The following BAIAP2L1 variants were observed in gnomAD, a reference collection of about 807,000 sequenced individuals.
BAIAP2L1 encodes the protein BAR/IMD domain-containing adapter protein 2-like 1.
A neutral mutation model predicts 66.3 loss-of-function variants in BAIAP2L1; 35 were observed. The observed-to-expected ratio is 0.53, with a 90% confidence interval of 0.40 to 0.70. BAIAP2L1 has a LOEUF of 0.70. Among genes scored for constraint, BAIAP2L1 ranks in the 30% least tolerant of loss-of-function variants. The pLI, the probability that BAIAP2L1 is intolerant of heterozygous loss-of-function variation, is 0.00. For missense variants in BAIAP2L1, 622 were observed against 656.9 expected, an observed-to-expected ratio of 0.95 and a Z score of 0.58; for synonymous variants, 269 against 248.7, an observed-to-expected ratio of 1.08 and a Z score of -0.77.
At chr7:98,348,195 TAAAGG>T (rs1251283776) in intron 3 of BAIAP2L1, among the ~76,000 whole-genome samples, 1 of 150,452 alleles carries the variant, frequency 6.6e-6, no homozygotes, top group Admixed American at 6.6e-5. Context: ...TGAAAGAGAG[TAAAGG>T]AGAGACCAAT....
At position 98,355,022 on chromosome 7, in the gene BAIAP2L1, T is replaced by G; in HGVS notation, c.214+20A>C. On this transcript the variant is annotated intron_variant, in intron 3 of 13. Transcript: ENST00000005260. ...CAGGATGACAAGTGGGGTTTATGTA[T>G]AAAGGGACAGATCGCTCACCCAGTT... The G allele has an allele frequency of 1.3e-6, 2 of 1,593,822 alleles. No individual in the cohort carries two copies. The highest frequency in any genetic ancestry group is 1.7e-6 in the Non-Finnish European group (2 of 1,161,548).
At chr7:98,328,315 G>T (rs1221357421) in intron 3 of BAIAP2L1, among the ~76,000 whole-genome samples, 3 of 152,108 alleles carry the variant, frequency 2.0e-5, no homozygotes, top group Non-Finnish European at 1.5e-5. Context: ...GAGAACTCAA[G>T]GACACGAAGA....
intron 1 of BAIAP2L1, 126 bp downstream of exon 1, chr7:98,400,676 G>T: frequency 9.0e-7 from 1 of 1,113,552 alleles, no homozygotes; most frequent in Non-Finnish European, 1.3e-6. Context: ...GGGAGAGACC[G>T]GGAGAGGTGG....
chr7:98,308,984 T>G (rs1480847050), intron 9 of BAIAP2L1: 1 of 151,720 alleles, frequency 6.6e-6, no homozygotes, highest in Admixed American at 6.6e-5. Flanking sequence ...TGGCCGTTTT[T>G]TTTTTCCATT....
intron 1 of BAIAP2L1, among the ~76,000 whole-genome samples, chr7:98,363,051 T>C (rs1362398675): frequency 5.1e-4 from 70 of 136,332 alleles, no homozygotes; most frequent in Non-Finnish European, 9.3e-4. Context: ...TTTTTTTTTT[T>C]TGAGACGGAG....
intron 11 of BAIAP2L1, among the ~76,000 whole-genome samples, chr7:98,305,486 G>C (rs1040010733): frequency 1.3e-5 from 2 of 152,042 alleles, no homozygotes; most frequent in African/African-American, 4.8e-5. Flanking sequence ...CCTTCTACCT[G>C]GCTAGCTGGA....
chr7:98,328,124 T>C (rs2115571955), intron 3 of BAIAP2L1, among the ~76,000 whole-genome samples: 1 of 152,214 alleles, frequency 6.6e-6, no homozygotes, highest in East Asian at 1.9e-4. Context: ...ATTTTTTTCA[T>C]ACTAAAAAGT....
chr7:98,357,805 A>C (rs1322381339), intron 2 of BAIAP2L1, among the ~76,000 whole-genome samples: 1 of 152,170 alleles, frequency 6.6e-6, no homozygotes, highest in Non-Finnish European at 1.5e-5. Flanking sequence ...CCGTTGCGCT[A>C]AGGGCAGCGG....
intron 1 of BAIAP2L1, among the ~76,000 whole-genome samples, chr7:98,398,552 T>C (rs1231764253): frequency 6.6e-6 from 1 of 152,156 alleles, no homozygotes; most frequent in African/African-American, 2.4e-5. Flanking sequence ...GCTTTCCAGT[T>C]TGCTTTCAGA....
At chr7:98,379,976 T>C (rs1293594483) in intron 1 of BAIAP2L1, among the ~76,000 whole-genome samples, 1 of 152,214 alleles carries the variant, frequency 6.6e-6, no homozygotes, top group African/African-American at 2.4e-5. Flanking sequence ...TAAATTTAAA[T>C]TGTGGTGACG....
intron 3 of BAIAP2L1, among the ~76,000 whole-genome samples, chr7:98,325,864 G>C (rs1562974384): frequency 6.6e-6 from 1 of 152,234 alleles, no homozygotes; most frequent in Non-Finnish European, 1.5e-5. Context: ...TCACCACACT[G>C]AATCAGTGCG....
Position 98,401,076 on chromosome 7 carries a change from C to T in BAIAP2L1, c.-224G>A. 1 of 368,204 alleles carries T rather than the reference C, an allele frequency of 2.7e-6. No individual in the cohort carries two copies. The highest frequency in any genetic ancestry group is 4.7e-6 in the Non-Finnish European group (1 of 210,808). 22.8% of individuals were successfully genotyped at this position (368,204 alleles called of 1,614,324 possible). On this transcript the variant is annotated 5_prime_UTR_variant, in exon 1 of 14. Transcript: ENST00000005260. ...CTTCGAGGAGCAGAGGAGAAGCGGC[C>T]GGACGCCGCCAGAGGAAGCTGGGCG...
Position 98,306,759 on chromosome 7 carries a change from G to A in BAIAP2L1, c.1164-243C>T, listed in dbSNP as rs908692047. 5 of 514,116 alleles carry A rather than the reference G, an allele frequency of 9.7e-6. No individual in the cohort carries two copies. In the East Asian group the frequency reaches 1.2e-4, roughly 13 times the overall value. The allele number at this position is 514,116 out of a possible 1,614,324, so 31.8% of individuals were successfully genotyped here. On this transcript the variant is annotated intron_variant, in intron 10 of 13. Transcript: ENST00000005260. ...GTCTCGCTCTGTTGCCCAGGCTGGA[G>A]TGCAGTGGTGCGATCATAGCTCACA...
intron 1 of BAIAP2L1, among the ~76,000 whole-genome samples, chr7:98,373,313 A>T (rs965462917): frequency 2.6e-5 from 4 of 152,256 alleles, no homozygotes; most frequent in Admixed American, 2.6e-4. Context: ...GAGTTAGATC[A>T]GAAATACTCA....
At chr7:98,294,231 G>A in intron 12 of BAIAP2L1, 120 bp from the exon 13 acceptor site, 3 of 1,016,070 alleles carry the variant, frequency 3.0e-6, no homozygotes, top group Non-Finnish European at 4.4e-6. Flanking sequence ...GAGCTCACGT[G>A]ATCCTTCCAC....
At chr7:98,313,306 C>T (rs910713279) in intron 7 of BAIAP2L1, among the ~76,000 whole-genome samples, 2 of 152,078 alleles carry the variant, frequency 1.3e-5, no homozygotes, top group Admixed American at 6.6e-5. Context: ...AGCATAGAAA[C>T]GAGCAGATTT....
chr7:98,383,731 C>T (rs2115813113), intron 1 of BAIAP2L1, among the ~76,000 whole-genome samples: 1 of 152,300 alleles, frequency 6.6e-6, no homozygotes, highest in South Asian at 2.1e-4. Flanking sequence ...TTTCATTCCA[C>T]CAACTCTGTA....
At chr7:98,362,664 C>G (rs1034075298) in intron 1 of BAIAP2L1, among the ~76,000 whole-genome samples, 1 of 152,188 alleles carries the variant, frequency 6.6e-6, no homozygotes, top group African/African-American at 2.4e-5. Flanking sequence ...GCCCAAGAGG[C>G]TGCCTGGAAT....
intron 3 of BAIAP2L1, among the ~76,000 whole-genome samples, chr7:98,329,931 T>C (rs971902563): frequency 3.3e-5 from 5 of 152,170 alleles, no homozygotes; most frequent in Non-Finnish European, 7.3e-5. Flanking sequence ...TTAGAAGAAT[T>C]TTCTTGGGAA....
Sources: gnomAD v4.1 joint callset for allele counts (sites outside exome capture counted in the v4.1 genomes callset) on GRCh38, gnomAD v4.1.1 for gene constraint, MANE v1.5 for transcripts, NCBI Gene and HGNC (gene_info 2026-07-23, HGNC 2026-07-21) for gene names.